BCAS3: variants seen among roughly 807,000 people sequenced by gnomAD.
The protein encoded by BCAS3 is BCAS4/BCAS3 fusion.
Under a neutral mutation model 116.1 loss-of-function variants are expected in BCAS3, and 53 were observed. The ratio of observed to expected loss-of-function variants is 0.46; its 90% confidence interval spans 0.37 to 0.57. BCAS3 has a LOEUF of 0.57. Ranked by LOEUF, BCAS3 falls within the 20% of genes least tolerant of loss-of-function variation. BCAS3 has a pLI of 0.00. For synonymous variants in BCAS3, 391 were observed against 408.2 expected (o/e 0.96, Z 0.51); for missense variants, 917 against 1,165.4 (o/e 0.79, Z 3.10).
chr17:60,841,247 C>G (rs913174280), intron 7 of BCAS3, among the ~76,000 whole-genome samples: 1 of 151,986 alleles, frequency 6.6e-6, no homozygotes, highest in African/African-American at 2.4e-5. Flanking sequence ...ATTAAAAAAC[C>G]CTTCTGCGTC....
chr17:60,907,909 C>G (rs899904217), intron 11 of BCAS3, among the ~76,000 whole-genome samples: 1 of 152,120 alleles, frequency 6.6e-6, no homozygotes, highest in African/African-American at 2.4e-5. Flanking sequence ...CAGTTAACTT[C>G]TGGACACTAG....
intron 6 of BCAS3, among the ~76,000 whole-genome samples, chr17:60,792,351 G>C (rs925603299): frequency 3.9e-5 from 6 of 152,236 alleles, no homozygotes; most frequent in African/African-American, 1.4e-4. Context: ...GCCATAGCCA[G>C]CATGCCTGGC....
intron 19 of BCAS3, among the ~76,000 whole-genome samples, chr17:61,044,465 A>AAATATATATATATATAT: frequency 1.3e-4 from 16 of 120,106 alleles, no homozygotes; most frequent in African/African-American, 7.5e-4. Context: ...AAAAAAAAAA[A>AAATATATATATATATAT]ATATATATAT....
intron 14 of BCAS3, among the ~76,000 whole-genome samples, chr17:60,982,826 A>G (rs973945991): frequency 2.0e-5 from 3 of 152,186 alleles, no homozygotes; most frequent in African/African-American, 7.2e-5. Context: ...AAGGCCTAAA[A>G]TTTATTATCT....
At chr17:60,814,037 G>A (rs1168339673) in intron 7 of BCAS3, among the ~76,000 whole-genome samples, 6 of 152,030 alleles carry the variant, frequency 3.9e-5, no homozygotes, top group Non-Finnish European at 1.5e-5. Flanking sequence ...ATGAATTTTA[G>A]AGTAGTTGTT....
chr17:61,275,145 C>T (rs977248914), intron 22 of BCAS3, among the ~76,000 whole-genome samples: 2 of 152,108 alleles, frequency 1.3e-5, no homozygotes, highest in Non-Finnish European at 2.9e-5. Context: ...GCCACTGCAC[C>T]CAACCCTGAA....
intron 14 of BCAS3, among the ~76,000 whole-genome samples, chr17:60,976,628 A>C (rs1214347200): frequency 6.6e-6 from 1 of 151,878 alleles, no homozygotes; most frequent in Non-Finnish European, 1.5e-5. Flanking sequence ...GAGATTAGGG[A>C]GTGGTGATGA....
chr17:60,716,316 GA>G (rs1459560256), intron 5 of BCAS3, among the ~76,000 whole-genome samples: 4 of 152,146 alleles, frequency 2.6e-5, no homozygotes, highest in Admixed American at 2.0e-4. Flanking sequence ...GTTGTAATAT[GA>G]AAAAAAGCAT....
chr17:60,959,180 G>A (rs1567967497), intron 14 of BCAS3, among the ~76,000 whole-genome samples: 1 of 152,002 alleles, frequency 6.6e-6, no homozygotes, highest in Non-Finnish European at 1.5e-5. Flanking sequence ...GGTGGTGCAT[G>A]TCTGTAGTCC....
chr17:60,711,460 A>G (rs1199081960), intron 5 of BCAS3, among the ~76,000 whole-genome samples: 1 of 146,300 alleles, frequency 6.8e-6, no homozygotes, highest in East Asian at 1.9e-4. Flanking sequence ...CTGTTTGTTG[A>G]CAGTACTGAA....
At chr17:60,919,379 G>A (rs2058950476) in intron 12 of BCAS3, among the ~76,000 whole-genome samples, 1 of 152,074 alleles carries the variant, frequency 6.6e-6, no homozygotes, top group African/African-American at 2.4e-5. Context: ...TTGGAGTGGT[G>A]CAGTGGTGCG....
At position 61,073,754 on chromosome 17, in the gene BCAS3, C is replaced by T. The variant is rs960347135; in HGVS notation, c.2030-1166C>T. ...ATCTCTTACTTTCTTACTTTTCTTTCTACTTACCTCCCCTCTTTTTCTCTG... is the reference window on the plus strand; with the variant it reads ...ATCTCTTACTTTCTTACTTTTCTTTTTACTTACCTCCCCTCTTTTTCTCTG... On this transcript the variant is annotated intron_variant, in intron 19 of 23. Coordinates refer to ENST00000407086, the MANE Select transcript of BCAS3 (RefSeq NM_017679.5). This position sits in a 1 kb window ranked among gnomAD's most constrained non-coding sequence, Gnocchi z 4.6. Among the ~76,000 whole-genome samples the T allele has an allele frequency of 6.6e-6, 1 of 152,058 alleles. No individual in the cohort carries two copies. Among genetic ancestry groups the T allele is most frequent in the Non-Finnish European group, 1.5e-5 (1 of 68,002 alleles).
chr17:60,722,002 ATG>A (rs2039292097), intron 5 of BCAS3, among the ~76,000 whole-genome samples: 1 of 152,156 alleles, frequency 6.6e-6, no homozygotes, highest in South Asian at 2.1e-4. Flanking sequence ...TCTTAACATT[ATG>A]ACTGTAAGAT....
chr17:61,050,700 G>A (rs771551642), intron 19 of BCAS3, among the ~76,000 whole-genome samples: 38 of 151,960 alleles, frequency 2.5e-4, no homozygotes, highest in Non-Finnish European at 4.4e-4. Context: ...TAAAAAATGA[G>A]ATTGTCAAAT....
In BCAS3 at chr17:60,990,786, A is replaced by G. The variant is rs2063480112; in HGVS notation, c.1486+551A>G. Among the ~76,000 whole-genome samples the G allele has an allele frequency of 6.6e-6, 1 of 152,082 alleles. No individual in the cohort carries two copies. The highest frequency in any genetic ancestry group is 2.4e-5 in the African/African-American group (1 of 41,398). On this transcript the variant is annotated intron_variant, in intron 15 of 23. Transcript: ENST00000407086. The surrounding 1 kb of genome is among the most constrained non-coding windows in gnomAD (Gnocchi z 5.1). ...CTCAGCCTCCCGAGCAGCTGGGATT[A>G]CAGGCATCCGCCACCACGCCTGGCT... is the stretch of plus-strand genomic sequence containing the variant.
intron 15 of BCAS3, among the ~76,000 whole-genome samples, chr17:60,998,659 A>G (rs1226689332): frequency 6.6e-6 from 1 of 152,048 alleles, no homozygotes. Flanking sequence ...TCATGTCTAA[A>G]TGACCCTTTT....
chr17:61,037,229 A>G lies in BCAS3; in HGVS notation c.1763-660A>G, dbSNP rs759941468. Among the ~76,000 whole-genome samples, 4 of 152,208 alleles carry G rather than the reference A, an allele frequency of 2.6e-5. No individual in the cohort carries two copies. Among genetic ancestry groups the G allele is most frequent in the African/African-American group, 7.2e-5 (3 of 41,428 alleles). On this transcript the variant is annotated intron_variant, in intron 17 of 23. Transcript: ENST00000407086. This position sits in a 1 kb window ranked among gnomAD's most constrained non-coding sequence, Gnocchi z 4.7. The stretch of plus-strand genomic sequence containing the variant: ...GCAGGGTAACTAAATCCTAGTCCAT[A>G]CATTATTCCTTTTCAGTTAGTCCAT...
intron 22 of BCAS3, among the ~76,000 whole-genome samples, chr17:61,138,890 A>G (rs1416959599): frequency 1.3e-5 from 2 of 152,180 alleles, no homozygotes; most frequent in African/African-American, 4.8e-5. Flanking sequence ...TTGAATGGTG[A>G]AGATAAGAAA....
In BCAS3 at chr17:61,381,717, C is replaced by T. The variant is rs1026063045; in HGVS notation, c.2594-10260C>T. Among the ~76,000 whole-genome samples, 1 of 152,158 alleles carries T rather than the reference C, an allele frequency of 6.6e-6. No individual in the cohort carries two copies. Among genetic ancestry groups the T allele is most frequent in the African/African-American group, 2.4e-5 (1 of 41,434 alleles). On this transcript the variant is annotated intron_variant, in intron 23 of 23. Coordinates refer to ENST00000407086, the MANE Select transcript of BCAS3 (RefSeq NM_017679.5). The surrounding 1 kb of genome is among the most constrained non-coding windows in gnomAD (Gnocchi z 6.0). ...GGATTGGTTGGTTCACACCAACTTG[C>T]GTGTGTGTGCCTGTCCCCAGGGCCA...
Sources: allele counts gnomAD v4.1 joint callset (sites outside exome capture counted in the v4.1 genomes callset), GRCh38; gene constraint gnomAD v4.1.1; non-coding constraint Gnocchi (gnomAD v3.1); transcripts MANE v1.5; gene names NCBI Gene and HGNC (gene_info 2026-07-23, HGNC 2026-07-21).